Variants in CLIP3 observed in about 807,000 individuals in gnomAD.
CLIP3 encodes the protein CAP-Gly domain containing linker protein 3.
A neutral mutation model predicts 59.4 loss-of-function variants in CLIP3; 15 were observed. That is an observed-to-expected ratio of 0.25 (90% confidence interval 0.17 to 0.39). The LOEUF (loss-of-function observed/expected upper bound fraction) is 0.39, where lower values mean the gene tolerates loss of function less well. Ranked by LOEUF, CLIP3 falls within the 10% of genes least tolerant of loss-of-function variation. The pLI is 1.00. For missense variants in CLIP3, 495 were observed against 765.7 expected (o/e 0.65, Z 4.17); for synonymous variants, 300 against 321.6 (o/e 0.93, Z 0.72).
intron 2 of CLIP3, among the ~76,000 whole-genome samples, chr19:36,029,316 A>AAC (rs1239862786): frequency 6.6e-6 from 1 of 151,208 alleles, no homozygotes; most frequent in East Asian, 1.9e-4. Context: ...CAAAAAAAAA[A>AAC]AAAAAAATAG....
At chr19:36,019,387 G>T in intron 7 of CLIP3, 81 bp from the exon 8 acceptor site, 1 of 1,535,928 alleles carries the variant, frequency 6.5e-7, no homozygotes, top group East Asian at 2.4e-5. Context: ...GCAGCAAGGT[G>T]GGTTGCATGA....
intron 7 of CLIP3, among the ~76,000 whole-genome samples, chr19:36,022,182 T>C (rs757260154): frequency 3.9e-5 from 6 of 152,098 alleles, no homozygotes; most frequent in Non-Finnish European, 7.3e-5. Flanking sequence ...GCCCCGACAA[T>C]TAGTGCTGAT....
chr19:36,029,899 G>A (rs974331783), intron 2 of CLIP3, among the ~76,000 whole-genome samples: 4 of 151,870 alleles, frequency 2.6e-5, no homozygotes, highest in African/African-American at 7.3e-5. Flanking sequence ...AACCTCTCCC[G>A]CTCTACAAGC....
chr19:36,015,995 G>T lies in CLIP3; in HGVS notation c.*163C>A. ...GGTCTGTATTTGGGGGTTATTATGG[G>T]AGTATCTGTTAATAATGGGGCCTCA... On this transcript the variant is annotated 3_prime_UTR_variant, in exon 14 of 14. Transcript: ENST00000360535. The T allele has an allele frequency of 1.4e-6, 1 of 705,336 alleles. No individual in the cohort carries two copies. Among genetic ancestry groups the T allele is most frequent in the Non-Finnish European group, 2.5e-6 (1 of 396,136 alleles). 43.7% of individuals were successfully genotyped at this position (705,336 alleles called of 1,614,324 possible). A position where few individuals can be genotyped will look rare whatever the true frequency, so the allele number is the denominator to read the frequency against.
Position 36,014,965 on chromosome 19 carries a change from C to A in CLIP3, c.*1193G>T, listed in dbSNP as rs1167356985. 6.6e-6 allele frequency: 1 copy of A among 152,116 alleles called. No homozygotes were observed. Among genetic ancestry groups the A allele is most frequent in the Non-Finnish European group, 1.5e-5 (1 of 68,042 alleles). 9.4% of individuals were successfully genotyped at this position (152,116 alleles called of 1,614,324 possible). A position where few individuals can be genotyped will look rare whatever the true frequency, so the allele number is the denominator to read the frequency against. On this transcript the variant is annotated 3_prime_UTR_variant, in exon 14 of 14. Transcript: ENST00000360535. ...TTGGGGTTCCCTTAGGGCTGGGGCTCTTGGAATTTGGTGTCTTGAAACCCA... is the reference window on the plus strand; with the variant it reads ...TTGGGGTTCCCTTAGGGCTGGGGCTATTGGAATTTGGTGTCTTGAAACCCA...
chr19:36,024,640 C>G lies in CLIP3; in HGVS notation c.682-8G>C. On this transcript the variant is annotated splice_polypyrimidine_tract_variant and splice_region_variant and intron_variant, in intron 6 of 13. Transcript: ENST00000360535. The stretch of plus-strand genomic sequence containing the variant: ...CACCTGTCCTTTTCGATTCTGGGGG[C>G]CAATGGGAAAAGAAGGCAGGGACTC... The G allele has an allele frequency of 6.2e-7, 1 of 1,613,172 alleles. No homozygotes were observed. Among genetic ancestry groups the G allele is most frequent in the South Asian group, 1.1e-5 (1 of 91,038 alleles).
Position 36,027,014 on chromosome 19 carries a change from C to T in CLIP3, c.338G>A (p.Arg113His), listed in dbSNP as rs760235266. 2 of 1,597,566 alleles carry T rather than the reference C, an allele frequency of 1.3e-6. No homozygotes were observed. The highest frequency in any genetic ancestry group is 8.5e-7 in the Non-Finnish European group (1 of 1,173,896). The change falls in exon 4 of 14, where the codon CGT (arginine) becomes CAT (histidine). Residue 113 changes from arginine (R) to histidine (H), a missense_variant. By Grantham distance (29) the Arg-to-His change is conservative (BLOSUM62 0). Coordinates refer to ENST00000360535, the MANE Select transcript of CLIP3 (RefSeq NM_015526.3). ...CAGTGTCATGTCGGTCAGCCCGTCA[C>T]GATCGTTCACATGGCAGCCTCGGCG... ...ILRRGCHVND[R>H]DGLTDMTLLH...
At chr19:36,020,568 C>T (rs1045967691) in intron 7 of CLIP3, among the ~76,000 whole-genome samples, 5 of 152,026 alleles carry the variant, frequency 3.3e-5, no homozygotes, top group African/African-American at 1.2e-4. Context: ...CACTGCACTC[C>T]AGCCTGAGCA....
In CLIP3 at chr19:36,024,560, C is replaced by T. The variant is rs1304697649; in HGVS notation, c.754G>A (p.Ala252Thr). 3.1e-6 allele frequency: 5 copies of T among 1,614,150 alleles called. No individual in the cohort carries two copies. The highest frequency in any genetic ancestry group is 1.3e-5 in the African/African-American group (1 of 74,958). The change falls in exon 7 of 14, where the codon GCA becomes ACA. Residue 252 changes from alanine to threonine, a missense_variant. This residue lies in a region of CLIP3 where 194 missense variants were observed against 327.8 expected (regional missense o/e 0.59). Coordinates refer to ENST00000360535, the MANE Select transcript of CLIP3 (RefSeq NM_015526.3). ...GTCCGCAGCTCCTTGGCCACCAGTG[C>T]CGCCTCTGCCTTGTCCAGGGACATG... ...MDMSLDKAEA[A>T]LVAKELRTLL... is the part of the protein sequence containing the mutation.
At position 36,026,760 on chromosome 19, in the gene CLIP3, C is replaced by T. The variant is rs1247952101; in HGVS notation, c.401-13G>A. The T allele has an allele frequency of 6.3e-7, 1 of 1,587,822 alleles. No individual in the cohort carries two copies. Among genetic ancestry groups the T allele is most frequent in the Non-Finnish European group, 8.5e-7 (1 of 1,172,432 alleles). On this transcript the variant is annotated splice_polypyrimidine_tract_variant and intron_variant, in intron 4 of 13. Transcript: ENST00000360535. This position sits in a 1 kb window ranked among gnomAD's most constrained non-coding sequence, Gnocchi z 6.3. ...GCCGCGGGGTCCCCTGCGCGATAGG[C>T]CGGGTCAGCTTGGAACCCCCATTCC... is the stretch of plus-strand genomic sequence containing the variant.
At chr19:36,019,480 T>G in intron 7 of CLIP3, 174 bp from the exon 8 acceptor site, 1 of 745,980 alleles carries the variant, frequency 1.3e-6, no homozygotes, top group Non-Finnish European at 2.3e-6. Flanking sequence ...CAACTTCCTT[T>G]GCTGTGAAAT....
Position 36,017,735 on chromosome 19 carries a change from A to G in CLIP3, c.1371T>C (p.His457=), listed in dbSNP as rs745587958. Residue 457 remains histidine (H), a synonymous_variant, in exon 11 of 14, where the codon CAT becomes CAC. Transcript: ENST00000360535. The part of the protein sequence containing the change: ...GIELDQPTGK[H]DGSVFGVRYF... ...ACCGGACACCGAAGACAGAGCCATCATGCTTGCCTGTGGGCTGGTCCAGCT... is the reference window on the plus strand; with the variant it reads ...ACCGGACACCGAAGACAGAGCCATCGTGCTTGCCTGTGGGCTGGTCCAGCT... The G allele has an allele frequency of 1.9e-6, 3 of 1,614,150 alleles. No homozygotes were observed. Among genetic ancestry groups the G allele is most frequent in the Admixed American group, 3.3e-5 (2 of 60,018 alleles).
At chr19:36,030,982 CTTTTTCT>C (rs1224224083) in intron 2 of CLIP3, among the ~76,000 whole-genome samples, 4 of 131,288 alleles carry the variant, frequency 3.0e-5, no homozygotes, top group African/African-American at 5.6e-5. Context: ...CCTTTAATTT[CTTTTTCT>C]TTTTTCTTTT....
At chr19:36,022,738 T>C (rs1184836857) in intron 7 of CLIP3, among the ~76,000 whole-genome samples, 5 of 151,682 alleles carry the variant, frequency 3.3e-5, no homozygotes, top group African/African-American at 1.2e-4. Context: ...CTGGCCAATA[T>C]GGTGAAACCC....
At chr19:36,020,631 C>A (rs1271582723) in intron 7 of CLIP3, among the ~76,000 whole-genome samples, 1 of 152,050 alleles carries the variant, frequency 6.6e-6, no homozygotes, top group African/African-American at 2.4e-5. Context: ...AAATACAAAT[C>A]AATACATTTA....
rs780822289 is a variant in CLIP3 at position 36,026,648 on chromosome 19, T to C, written c.500A>G (p.Tyr167Cys). Reference protein sequence around the residue: ...SRWTNMNALHYAAYFDVPDLV... With the variant: ...SRWTNMNALHCAAYFDVPDLV... ...GTCGGGCACATCAAAATAGGCCGCG[T>C]AGTGAAGCGCGTTCATGTTGGTCCA... is the stretch of plus-strand genomic sequence containing the variant. The change falls in exon 5 of 14, where the codon TAC (tyrosine) becomes TGC (cysteine). Residue 167 changes from tyrosine (Y) to cysteine (C), a missense_variant. Physicochemically the swap from Tyr to Cys is radical, Grantham distance 194. Around this residue, in one of 5 missense-constraint regions of CLIP3, gnomAD observed 194 missense variants for 327.8 expected, o/e 0.59. Coordinates refer to ENST00000360535, the MANE Select transcript of CLIP3 (RefSeq NM_015526.3). This position sits in a 1 kb window ranked among gnomAD's most constrained non-coding sequence, Gnocchi z 6.3. 4 of 1,613,274 alleles carry C rather than the reference T, an allele frequency of 2.5e-6. No individual in the cohort carries two copies. The highest frequency in any genetic ancestry group is 2.7e-5 in the African/African-American group (2 of 74,904).
At chr19:36,017,550 C>A (rs957125130) in intron 11 of CLIP3, 100 bp from the exon 12 acceptor site, 3 of 1,595,970 alleles carry the variant, frequency 1.9e-6, no homozygotes, top group Non-Finnish European at 2.6e-6. Context: ...GCTGGGGGCT[C>A]GGGGGTGTCC....
intron 7 of CLIP3, 98 bp downstream of exon 7, chr19:36,024,298 G>T: frequency 1.0e-6 from 1 of 998,724 alleles, no homozygotes; most frequent in Non-Finnish European, 1.5e-6. Flanking sequence ...GTAGACAAAG[G>T]GCAGGGACTG....
At chr19:36,019,065 T>C (rs1968881639) in intron 8 of CLIP3, 39 bp from the exon 9 acceptor site, 3 of 1,587,200 alleles carry the variant, frequency 1.9e-6, no homozygotes, top group East Asian at 4.5e-5. Context: ...TGTCCAAGCC[T>C]CTGCCCTCGG....
Sources: gnomAD v4.1 joint callset for allele counts (sites outside exome capture counted in the v4.1 genomes callset) on GRCh38, gnomAD v4.1.1 for gene constraint, gnomAD v4.1.1 regional missense constraint, Gnocchi (gnomAD v3.1) non-coding constraint, MANE v1.5 for transcripts, NCBI Gene and HGNC (gene_info 2026-07-23, HGNC 2026-07-21) for gene names.